The following TSNARE1 variants were observed in gnomAD, a reference collection of about 807,000 sequenced individuals.
TSNARE1 encodes t-SNARE domain-containing protein 1.
A neutral mutation model predicts 62.0 loss-of-function variants in TSNARE1; 49 were observed. The observed-to-expected ratio is 0.79, with a 90% CI of 0.63 to 1.00. The LOEUF is 1.00. Ranked by LOEUF, TSNARE1 falls within the 50% of genes least tolerant of loss-of-function variation. The pLI, the probability that TSNARE1 is intolerant of heterozygous loss-of-function variation, is 0.00. For synonymous variants in TSNARE1, 328 were observed against 294.4 expected (o/e 1.11, Z -1.17); for missense variants, 755 against 700.1 (o/e 1.08, Z -0.88).
chr8:142,375,896 T>C (rs1836296308), intron 1 of TSNARE1, among the ~76,000 whole-genome samples: 3 of 152,086 alleles, frequency 2.0e-5, no homozygotes, highest in Middle Eastern at 3.2e-3. Flanking sequence ...TGTGGACGCC[T>C]GCAGGGTGTA....
At chr8:142,396,849 T>C (rs1473610791) in intron 1 of TSNARE1, among the ~76,000 whole-genome samples, 1 of 152,312 alleles carries the variant, frequency 6.6e-6, no homozygotes, top group Admixed American at 6.5e-5. Flanking sequence ...GCAGGAGGTG[T>C]TGTTATAATC....
At chr8:142,314,616 C>T (rs1411847307) in intron 8 of TSNARE1, among the ~76,000 whole-genome samples, 176 bp from the exon 9 acceptor site, 1 of 151,802 alleles carries the variant, frequency 6.6e-6, no homozygotes, top group Non-Finnish European at 1.5e-5. Context: ...CGCTGGATGG[C>T]CTCTGTCCAT....
intron 12 of TSNARE1, among the ~76,000 whole-genome samples, chr8:142,238,533 C>T (rs986328975): frequency 2.0e-5 from 3 of 152,028 alleles, no homozygotes; most frequent in African/African-American, 7.2e-5. Flanking sequence ...ACACCTGCTC[C>T]ACCCCACACC....
At chr8:142,265,809 C>T (rs573907435) in intron 12 of TSNARE1, among the ~76,000 whole-genome samples, 4 of 152,316 alleles carry the variant, frequency 2.6e-5, no homozygotes, top group African/African-American at 9.6e-5. Context: ...TGTGTATTTC[C>T]CTCATGGCTA....
intron 2 of TSNARE1, among the ~76,000 whole-genome samples, chr8:142,348,264 A>G (rs538265727): frequency 6.6e-6 from 1 of 152,260 alleles, no homozygotes; most frequent in South Asian, 2.1e-4. Context: ...GGGTCACTAG[A>G]GAGCCTTCGA....
At chr8:142,300,434 C>T in intron 10 of TSNARE1, 52 bp downstream of exon 10, 4 of 1,546,732 alleles carry the variant, frequency 2.6e-6, no homozygotes, top group Non-Finnish European at 1.7e-6. Context: ...CTCTGGTTCC[C>T]AGCCTCATGT....
intron 11 of TSNARE1, chr8:142,278,621 C>T: frequency 8.1e-6 from 8 of 985,414 alleles, no homozygotes; most frequent in African/African-American, 1.7e-5. Flanking sequence ...GCCAGCATCA[C>T]CCTCAGAGCC....
chr8:142,367,735 G>C (rs951259708), intron 1 of TSNARE1, among the ~76,000 whole-genome samples: 22 of 152,262 alleles, frequency 1.4e-4, no homozygotes, highest in African/African-American at 5.3e-4. Flanking sequence ...AACTACAACT[G>C]TGCATGAAAA....
Position 142,354,721 on chromosome 8 carries a change from A to C in TSNARE1, c.4T>G (p.Ser2Ala). 6.2e-7 allele frequency: 1 copy of C among 1,612,904 alleles called. No homozygotes were observed. Among genetic ancestry groups the C allele is most frequent in the Non-Finnish European group, 8.5e-7 (1 of 1,179,378 alleles). ...CCTCCACGGGCGATGGATCCGTATGACATCTTCTTACAGATGGCAGGGCCA... is the reference window on the plus strand; with the variant it reads ...CCTCCACGGGCGATGGATCCGTATGCCATCTTCTTACAGATGGCAGGGCCA... M[S>A]YGSIARGGGL... The change falls in exon 2 of 14, where the codon TCA (serine) becomes GCA (alanine). Residue 2 changes from serine (S) to alanine (A), a missense_variant. Physicochemically the swap from Ser to Ala is moderately conservative, Grantham distance 99. Coordinates refer to ENST00000524325, the MANE Select transcript of TSNARE1 (RefSeq NM_145003.5).
intron 11 of TSNARE1, among the ~76,000 whole-genome samples, chr8:142,283,252 T>TCAGTGTCTGCCAATGAGCAGAGGCGGGGC (rs1822001059): frequency 1.9e-5 from 2 of 104,768 alleles, no homozygotes; most frequent in African/African-American, 3.8e-5. Flanking sequence ...AGAGGCGGGG[T>TCAGTGTCTGCCAATGAGCAGAGGCGGGGC]CAGTGTCTGC....
chr8:142,369,512 A>G (rs762075537), intron 1 of TSNARE1, among the ~76,000 whole-genome samples: 3 of 152,264 alleles, frequency 2.0e-5, no homozygotes, highest in Non-Finnish European at 4.4e-5. Context: ...CAATCAGCAG[A>G]GCCAGACTGA....
At chr8:142,256,279 A>AG in intron 12 of TSNARE1, among the ~76,000 whole-genome samples, 1 of 131,106 alleles carries the variant, frequency 7.6e-6, no homozygotes, top group Non-Finnish European at 1.7e-5. Context: ...CACCACCACC[A>AG]TTACCATCAT....
rs141798946 is a variant in TSNARE1, at chr8:142,334,650, T to C, written c.746-2819A>G. Among the ~76,000 whole-genome samples the C allele has an allele frequency of 4.2e-3, 633 of 152,318 alleles. 3 individuals carry two copies. The highest frequency in any genetic ancestry group is 0.01 in the Middle Eastern group (3 of 294). On this transcript the variant is annotated intron_variant, in intron 4 of 13. Coordinates refer to ENST00000524325, the MANE Select transcript of TSNARE1 (RefSeq NM_145003.5). ...TATTTTTTAAATCCAAGGTACATTA[T>C]AGGCAAACTGCAGAAAAACAGTGAT...
chr8:142,279,362 T>C (rs1293732294), intron 11 of TSNARE1, among the ~76,000 whole-genome samples: 1 of 152,162 alleles, frequency 6.6e-6, no homozygotes, highest in Non-Finnish European at 1.5e-5. Flanking sequence ...ATGGGGGCCT[T>C]GGAGGGCACC....
chr8:142,305,188 A>G (rs1438368481), intron 9 of TSNARE1, among the ~76,000 whole-genome samples: 1 of 152,126 alleles, frequency 6.6e-6, no homozygotes, highest in African/African-American at 2.4e-5. Context: ...GTTCTGTGCG[A>G]TGTTCCCTGG....
At chr8:142,311,290 GTTTTTT>G (rs58755110) in intron 9 of TSNARE1, among the ~76,000 whole-genome samples, 18 of 57,354 alleles carry the variant, frequency 3.1e-4, no homozygotes, top group African/African-American at 1.3e-3. Context: ...AGCCTCTCTA[GTTTTTT>G]TTTTTTTTTT....
intron 12 of TSNARE1, among the ~76,000 whole-genome samples, chr8:142,266,052 A>G (rs1223726516): frequency 6.6e-6 from 1 of 152,230 alleles, no homozygotes; most frequent in Non-Finnish European, 1.5e-5. Flanking sequence ...GCAGAACAGA[A>G]GTTTCCAATT....
intron 2 of TSNARE1, among the ~76,000 whole-genome samples, chr8:142,349,083 C>A (rs1313410151): frequency 1.3e-5 from 2 of 152,194 alleles, no homozygotes; most frequent in Non-Finnish European, 2.9e-5. Context: ...CTGAGGGGAG[C>A]AAAGGAGGCA....
chr8:142,384,069 C>G (rs146140497), intron 1 of TSNARE1, among the ~76,000 whole-genome samples: 1 of 152,284 alleles, frequency 6.6e-6, no homozygotes, highest in Admixed American at 6.5e-5. Context: ...AGAACTCAAA[C>G]GCCTTTCTTT....
Sources: allele counts gnomAD v4.1 joint callset (sites outside exome capture counted in the v4.1 genomes callset), GRCh38; gene constraint gnomAD v4.1.1; transcripts MANE v1.5; gene names NCBI Gene and HGNC (gene_info 2026-07-23, HGNC 2026-07-21).